Variants in USP24 observed in about 807,000 individuals in gnomAD.
USP24 encodes ubiquitin carboxyl-terminal hydrolase 24.
A neutral mutation model predicts 361.6 loss-of-function variants in USP24; 97 were observed. That is an observed-to-expected ratio of 0.27 (90% CI 0.23 to 0.32). The LOEUF (loss-of-function observed/expected upper bound fraction) is 0.32, where lower values mean the gene tolerates loss of function less well. Ranked by LOEUF, USP24 falls within the 10% of genes least tolerant of loss-of-function variation. USP24 has a pLI of 1.00. For missense variants in USP24, 2,353 were observed against 3,165.6 expected, an observed-to-expected ratio of 0.74 and a Z score of 6.16; for synonymous variants, 1,098 against 1,124.6, an observed-to-expected ratio of 0.98 and a Z score of 0.47.
chr1:55,199,241 A>G (rs1644497523), intron 1 of USP24, among the ~76,000 whole-genome samples: 1 of 152,112 alleles, frequency 6.6e-6, no homozygotes, highest in Admixed American at 6.5e-5. Context: ...GTGAGCCAAG[A>G]TTGCACCACT....
intron 1 of USP24, among the ~76,000 whole-genome samples, chr1:55,209,164 C>G (rs1259738646): frequency 6.6e-6 from 1 of 152,114 alleles, no homozygotes; most frequent in Non-Finnish European, 1.5e-5. Flanking sequence ...GCACAACTCT[C>G]TTAGTCGTAC....
chr1:55,185,553 C>T (rs1236373272), intron 1 of USP24, among the ~76,000 whole-genome samples: 1 of 151,762 alleles, frequency 6.6e-6, no homozygotes, highest in Non-Finnish European at 1.5e-5. Flanking sequence ...GAAAAAACAT[C>T]ACTACTTTTT....
intron 38 of USP24, among the ~76,000 whole-genome samples, chr1:55,114,647 G>A (rs1646051118): frequency 6.6e-6 from 1 of 152,164 alleles, no homozygotes; most frequent in Admixed American, 6.5e-5. Flanking sequence ...ATGGGGAAAG[G>A]ATTCCCTATT....
At chr1:55,091,894 G>C (rs1335202958) in intron 54 of USP24, 129 bp downstream of exon 54, 3 of 661,312 alleles carry the variant, frequency 4.5e-6, no homozygotes, top group Non-Finnish European at 7.6e-6. Flanking sequence ...TAAAGCTAGA[G>C]ACCATGTCTT....
At chr1:55,114,725 C>G (rs1646053431) in intron 38 of USP24, among the ~76,000 whole-genome samples, 1 of 152,176 alleles carries the variant, frequency 6.6e-6, no homozygotes, top group Non-Finnish European at 1.5e-5. Flanking sequence ...CTTCCTTACA[C>G]TTTATACAAA....
In USP24 at chr1:55,068,831, A is replaced by C. The variant is rs1644863604; in HGVS notation, c.*214T>G. On this transcript the variant is annotated 3_prime_UTR_variant, in exon 68 of 68. Transcript: ENST00000294383. ...ATAGACCACGCTCCCGGGACAGCTG[A>C]TCCACATGCCGGAGTTCTCCCACTG... The C allele has an allele frequency of 8.7e-6, 5 of 573,768 alleles. No individual in the cohort carries two copies. In the South Asian group the frequency reaches 1.1e-4, roughly 13 times the overall value. 35.5% of individuals were successfully genotyped at this position (573,768 alleles called of 1,614,324 possible). A position where few individuals can be genotyped will look rare whatever the true frequency, so the allele number is the denominator to read the frequency against.
intron 58 of USP24, among the ~76,000 whole-genome samples, chr1:55,082,153 A>C (rs1166188306): frequency 2.6e-5 from 4 of 152,218 alleles, no homozygotes; most frequent in Non-Finnish European, 5.9e-5. Flanking sequence ...TGCCTGTGTA[A>C]TGTGTTTACA....
chr1:55,129,512 G>A lies in USP24; in HGVS notation c.3600C>T (p.Ser1200=). The A allele has an allele frequency of 1.2e-6, 2 of 1,613,904 alleles. No homozygotes were observed. Among genetic ancestry groups the A allele is most frequent in the Non-Finnish European group, 8.5e-7 (1 of 1,179,826 alleles). ...DDDMARSCAK[S]FCENFLKAGG... ...CAGCTTTGAGGAAGTTTTCACAGAA[G>A]GATTTGGCACAGCTTCTGGCCATGT... Residue 1200 remains serine (S), a synonymous_variant, in exon 32 of 68, where the codon TCC becomes TCT. Transcript: ENST00000294383.
intron 28 of USP24, among the ~76,000 whole-genome samples, chr1:55,136,301 A>G (rs1300089063): frequency 6.6e-6 from 1 of 152,082 alleles, no homozygotes; most frequent in African/African-American, 2.4e-5. Flanking sequence ...GAGGCCAGTG[A>G]GGCTGGAGTG....
chr1:55,120,714 T>C lies in USP24; in HGVS notation c.4390A>G (p.Thr1464Ala). The C allele has an allele frequency of 6.3e-7, 1 of 1,576,606 alleles. No homozygotes were observed. Among genetic ancestry groups the C allele is most frequent in the Non-Finnish European group, 8.6e-7 (1 of 1,159,910 alleles). The change falls in exon 38 of 68, where the codon ACA becomes GCA. Residue 1464 changes from threonine (T) to alanine (A), a missense_variant. Thr to Ala is a moderately conservative substitution (Grantham distance 58). This residue lies in a region of USP24 where 949 missense variants were observed against 1,280.5 expected (regional missense o/e 0.74). Coordinates refer to ENST00000294383, the MANE Select transcript of USP24 (RefSeq NM_015306.3). ...ACATCTGGATGCGCTGATGTGTCTG[T>C]CTGACTAAGAGTGTACAGCTGATCA... ...ACDQLYTLSQ[T>A]DTSAHPDVQK...
At chr1:55,118,436 CCAT>C (rs1646184335) in intron 38 of USP24, among the ~76,000 whole-genome samples, 1 of 152,168 alleles carries the variant, frequency 6.6e-6, no homozygotes, top group African/African-American at 2.4e-5. Context: ...TTACCTTACA[CCAT>C]AATGCAAAAC....
intron 45 of USP24, 113 bp downstream of exon 45, chr1:55,099,658 A>T (rs966603415): frequency 9.7e-6 from 7 of 723,166 alleles, no homozygotes; most frequent in African/African-American, 5.4e-5. Flanking sequence ...CTTATGTTAA[A>T]GATAATCAAT....
intron 16 of USP24, 60 bp downstream of exon 16, chr1:55,153,810 T>A (rs1647344455): frequency 7.0e-7 from 1 of 1,427,708 alleles, no homozygotes; most frequent in African/African-American, 1.4e-5. Flanking sequence ...TGGTGTAATT[T>A]ATTAAAGGAA....
chr1:55,214,883 G>T lies in USP24; in HGVS notation c.231C>A (p.Asp77Glu), dbSNP rs1254471756. The T allele has an allele frequency of 9.8e-6, 12 of 1,229,822 alleles. No individual in the cohort carries two copies. Among genetic ancestry groups the T allele is most frequent in the Non-Finnish European group, 1.1e-5 (11 of 980,698 alleles). 76.2% of individuals were successfully genotyped at this position (1,229,822 alleles called of 1,614,324 possible). ...CGCGGGAGGGGCCGCCGCCGCCGCC[G>T]TCACCTCCGCCGTCGCCCCGCGGGC... ...GGGPRGDGGG[D>E]GGGGGPSRGG... Residue 77 changes from aspartate to glutamate, a missense_variant, in exon 1 of 68, where the codon GAC becomes GAA. Asp to Glu is a conservative substitution (Grantham distance 45, BLOSUM62 2). Transcript: ENST00000294383.
At chr1:55,127,844 A>G (rs1646478656) in intron 32 of USP24, among the ~76,000 whole-genome samples, 1 of 152,084 alleles carries the variant, frequency 6.6e-6, no homozygotes, top group African/African-American at 2.4e-5. Context: ...TCTTCAATTT[A>G]CTATCACCCC....
Position 55,104,040 on chromosome 1 carries a change from G to A in USP24, c.4881-20C>T. 1.6e-5 allele frequency: 25 copies of A among 1,584,578 alleles called. No individual in the cohort carries two copies. Among genetic ancestry groups the A allele is most frequent in the Non-Finnish European group, 2.1e-5 (25 of 1,165,292 alleles). On this transcript the variant is annotated intron_variant, in intron 41 of 67. Coordinates refer to ENST00000294383, the MANE Select transcript of USP24 (RefSeq NM_015306.3). ...CTACACCTAGAAACAAAAGACACAAGTCAATTTCAACAATGAATAATCTAC... is the reference window on the plus strand; with the variant it reads ...CTACACCTAGAAACAAAAGACACAAATCAATTTCAACAATGAATAATCTAC...
chr1:55,137,459 A>G, intron 28 of USP24, 56 bp downstream of exon 28: 1 of 1,563,226 alleles, frequency 6.4e-7, no homozygotes, highest in East Asian at 2.3e-5. Context: ...GAGTCAGAAC[A>G]AAAAGACAGT....
intron 1 of USP24, among the ~76,000 whole-genome samples, chr1:55,187,451 T>C (rs1287880261): frequency 6.6e-6 from 1 of 152,140 alleles, no homozygotes; most frequent in East Asian, 1.9e-4. Context: ...TCAAGGCAAT[T>C]AGGCAAAGAA....
chr1:55,159,810 G>C (rs1648083050), intron 8 of USP24, 125 bp from the exon 9 acceptor site: 1 of 819,990 alleles, frequency 1.2e-6, no homozygotes, highest in African/African-American at 1.7e-5. Flanking sequence ...TTTCATATCA[G>C]AGCAGCTACT....
Sources: gnomAD v4.1 joint callset for allele counts (sites outside exome capture counted in the v4.1 genomes callset) on GRCh38, gnomAD v4.1.1 for gene constraint, gnomAD v4.1.1 regional missense constraint, MANE v1.5 for transcripts, NCBI Gene and HGNC (gene_info 2026-07-23, HGNC 2026-07-21) for gene names.